The following DMD variants were observed in gnomAD, a reference collection of about 807,000 sequenced individuals.
The protein encoded by DMD is mutant dystrophin.
Under a neutral mutation model 330.1 loss-of-function variants are expected in DMD, and 63 were observed. That is an observed-to-expected ratio of 0.19 (90% CI 0.16 to 0.24). The LOEUF (loss-of-function observed/expected upper bound fraction) is 0.24. Ranked by LOEUF, DMD falls within the 10% of genes least tolerant of loss-of-function variation. The probability of loss-of-function intolerance (pLI) is 1.00; values close to 1 mark genes in which losing one functional copy is unlikely to be tolerated. For missense variants in DMD, 3,344 were observed against 2,684.1 expected, an observed-to-expected ratio of 1.25 and a Z score of -5.43; for synonymous variants, 1,223 against 959.8, an observed-to-expected ratio of 1.27 and a Z score of -5.07.
intron 33 of DMD, among the ~76,000 whole-genome samples, chrX:32,382,190 G>A (rs1247725792): frequency 3.6e-5 from 4 of 111,336 alleles, no homozygotes; most frequent in Non-Finnish European, 7.6e-5. Context: ...ATAAAACATG[G>A]ACAAGATTTG....
At chrX:32,175,151 A>C (rs778052295) in intron 44 of DMD, among the ~76,000 whole-genome samples, 5 of 111,487 alleles carry the variant, frequency 4.5e-5, no homozygotes, top group Non-Finnish European at 9.4e-5. Flanking sequence ...TCGTGAAACT[A>C]TATTCTTAAT....
chrX:32,342,516 T>C (rs1397159510), intron 40 of DMD: 11 of 396,189 alleles, frequency 2.8e-5, no homozygotes, highest in Non-Finnish European at 4.8e-5. Flanking sequence ...AATATTGAAA[T>C]TGGTCTAACA....
At chrX:32,249,888 A>G (rs2097256681) in intron 43 of DMD, among the ~76,000 whole-genome samples, 1 of 111,568 alleles carries the variant, frequency 9.0e-6, no homozygotes, top group Non-Finnish European at 1.9e-5. Context: ...TCACCTAGCC[A>G]TAAGTACTCC....
chrX:31,666,048 C>A (rs1377804571), intron 53 of DMD, among the ~76,000 whole-genome samples: 1 of 111,676 alleles, frequency 9.0e-6, no homozygotes, highest in Middle Eastern at 4.2e-3. Flanking sequence ...CCAGCTACCC[C>A]AGGCATCTGA....
chrX:32,040,826 A>G (rs756787484), intron 44 of DMD, among the ~76,000 whole-genome samples: 2 of 111,441 alleles, frequency 1.8e-5, no homozygotes, highest in Non-Finnish European at 3.8e-5. Context: ...TGGGCCATGC[A>G]GTGTTAAACT....
At chrX:32,435,644 G>A (rs761613481) in intron 29 of DMD, among the ~76,000 whole-genome samples, 1 of 110,797 alleles carries the variant, frequency 9.0e-6, no homozygotes, top group East Asian at 2.9e-4. Flanking sequence ...ATGATATTAA[G>A]TTCTGTCAGT....
intron 1 of DMD, among the ~76,000 whole-genome samples, chrX:33,179,526 T>C (rs181605920): frequency 0.033 from 3,610 of 109,081 alleles, 181 homozygotes; most frequent in African/African-American, 0.11. Context: ...ACCCCGTTTC[T>C]ACTAAAAATA....
At chrX:31,144,925 G>A (rs1214170368) in intron 76 of DMD, among the ~76,000 whole-genome samples, 1 of 111,550 alleles carries the variant, frequency 9.0e-6, no homozygotes, top group Non-Finnish European at 1.9e-5. Context: ...CATTACCACT[G>A]TAAAATGCCC....
chrX:32,727,851 G>A (rs1027982895), intron 7 of DMD, among the ~76,000 whole-genome samples: 1 of 110,001 alleles, frequency 9.1e-6, no homozygotes, highest in African/African-American at 3.4e-5. Context: ...ACTAGAAAAT[G>A]TACCACACAA....
At chrX:32,511,880 T>TG (rs1368781072) in intron 18 of DMD, among the ~76,000 whole-genome samples, 6 of 111,855 alleles carry the variant, frequency 5.4e-5, no homozygotes, top group South Asian at 3.7e-4. Context: ...GCTTAATATA[T>TG]GATCACATGT....
chrX:31,707,304 T>G (rs191123671), intron 52 of DMD, among the ~76,000 whole-genome samples: 1 of 111,538 alleles, frequency 9.0e-6, no homozygotes, highest in Admixed American at 9.6e-5. Context: ...TATAACCTGC[T>G]GTGCTGAATA....
intron 11 of DMD, among the ~76,000 whole-genome samples, chrX:32,640,608 T>G (rs766052147): frequency 2.0e-4 from 22 of 110,909 alleles, no homozygotes; most frequent in Non-Finnish European, 3.8e-4. Flanking sequence ...GCACTTTTAC[T>G]GTCAAAAGGA....
chrX:32,527,732 T>C (rs2047050981), intron 17 of DMD, among the ~76,000 whole-genome samples: 1 of 111,568 alleles, frequency 9.0e-6, no homozygotes, highest in African/African-American at 3.3e-5. Context: ...ATGGCAATTA[T>C]TATATTTTTG....
intron 44 of DMD, among the ~76,000 whole-genome samples, chrX:31,972,630 T>C (rs2095408062): frequency 9.0e-6 from 1 of 110,911 alleles, no homozygotes; most frequent in Non-Finnish European, 1.9e-5. Context: ...GAAGAAAAGA[T>C]AAATACAGGG....
chrX:32,629,447 G>A (rs1256931538), intron 11 of DMD, among the ~76,000 whole-genome samples: 2 of 111,037 alleles, frequency 1.8e-5, no homozygotes, highest in South Asian at 3.8e-4. Flanking sequence ...AGATTATTGT[G>A]TCTTGTATAT....
intron 45 of DMD, among the ~76,000 whole-genome samples, chrX:31,958,169 T>C (rs1272197427): frequency 2.0e-5 from 2 of 101,725 alleles, no homozygotes; most frequent in Non-Finnish European, 2.0e-5. Context: ...AATCAACAGA[T>C]AGACTTTAAA....
chrX:32,581,369 G>T (rs974186796), intron 13 of DMD, among the ~76,000 whole-genome samples: 1 of 112,320 alleles, frequency 8.9e-6, no homozygotes, highest in South Asian at 3.7e-4. Context: ...TTACTATGTA[G>T]AAAAACAGAC....
chrX:31,986,813 TCCTGAAATATTA>T (rs774418560), intron 44 of DMD, among the ~76,000 whole-genome samples: 4 of 112,233 alleles, frequency 3.6e-5, no homozygotes, highest in Non-Finnish European at 5.6e-5. Context: ...ATTGCCTTTG[TCCTGAAATATTA>T]AAAAACGAAC....
At chrX:32,882,305 C>CT (rs1311875827) in intron 2 of DMD, among the ~76,000 whole-genome samples, 1 of 111,810 alleles carries the variant, frequency 8.9e-6, no homozygotes, top group Non-Finnish European at 1.9e-5. Flanking sequence ...GCGGTAGCTA[C>CT]TTTGTGCACT....
Sources: gnomAD v4.1 joint callset for allele counts (sites outside exome capture counted in the v4.1 genomes callset) on GRCh38, gnomAD v4.1.1 for gene constraint, MANE v1.5 for transcripts, NCBI Gene and HGNC (gene_info 2026-07-23, HGNC 2026-07-21) for gene names.